TASP1: variants seen among roughly 807,000 people sequenced by gnomAD.
TASP1 encodes taspase 1.
In TASP1, 16 loss-of-function variants were observed where a neutral mutation model predicts 56.6. That is an observed-to-expected ratio of 0.28 (90% CI 0.19 to 0.43). TASP1 has a LOEUF of 0.43. Among genes scored for constraint, TASP1 ranks in the 20% least tolerant of loss-of-function variants. TASP1 has a pLI of 1.00. For missense variants in TASP1, 393 were observed against 511.6 expected (o/e 0.77, Z 2.24); for synonymous variants, 179 against 184.2 (o/e 0.97, Z 0.23).
chr20:13,390,598 T>G (rs1475652858), intron 13 of TASP1, 146 bp from the exon 14 acceptor site: 11 of 627,710 alleles, frequency 1.8e-5, no homozygotes, highest in Non-Finnish European at 2.5e-5. Context: ...GTACCACTGG[T>G]AAACTTTAGT....
At chr20:13,293,248 A>T in the TASP1 span, among the ~76,000 whole-genome samples, 1 of 151,954 alleles carries the variant, frequency 6.6e-6, no homozygotes, top group Non-Finnish European at 1.5e-5. Flanking sequence ...AACCTTTGGT[A>T]CAGTTTGCTA....
At chr20:13,180,136 T>G in the TASP1 span, among the ~76,000 whole-genome samples, 1 of 152,196 alleles carries the variant, frequency 6.6e-6, no homozygotes, top group South Asian at 2.1e-4. Context: ...CTAGTAATGA[T>G]TTCAAGAATA....
chr20:13,453,743 G>T (rs2043718282), intron 11 of TASP1, among the ~76,000 whole-genome samples: 1 of 152,036 alleles, frequency 6.6e-6, no homozygotes, highest in South Asian at 2.1e-4. Flanking sequence ...AGATACTGAT[G>T]GTCCCAGGTC....
intron 13 of TASP1, among the ~76,000 whole-genome samples, chr20:13,400,774 T>A (rs536851506): frequency 3.5e-4 from 54 of 152,346 alleles, no homozygotes; most frequent in African/African-American, 1.2e-3. Flanking sequence ...TAGTGAATAC[T>A]AAAATGTTAA....
chr20:13,470,694 T>C (rs549555367), intron 11 of TASP1, among the ~76,000 whole-genome samples: 2 of 152,182 alleles, frequency 1.3e-5, no homozygotes, highest in Non-Finnish European at 2.9e-5. Flanking sequence ...TTGATGGATA[T>C]CAGTCACCTA....
chr20:13,382,857 C>A, the TASP1 span, among the ~76,000 whole-genome samples: 1 of 151,860 alleles, frequency 6.6e-6, no homozygotes, highest in African/African-American at 2.4e-5. Flanking sequence ...GAAAGTGAAA[C>A]GTGACAGAAA....
chr20:13,305,687 C>G, the TASP1 span, among the ~76,000 whole-genome samples: 3 of 152,114 alleles, frequency 2.0e-5, no homozygotes, highest in African/African-American at 7.2e-5. Context: ...AGTTGTTTTT[C>G]TGAGGCTTAG....
At chr20:13,339,461 A>G in the TASP1 span, among the ~76,000 whole-genome samples, 1 of 152,190 alleles carries the variant, frequency 6.6e-6, no homozygotes, top group African/African-American at 2.4e-5. Context: ...CACTTTGTCA[A>G]TTAAAGCTGG....
chr20:13,576,161 C>T (rs1464723429), intron 6 of TASP1, among the ~76,000 whole-genome samples: 1 of 138,434 alleles, frequency 7.2e-6, no homozygotes, highest in Non-Finnish European at 1.5e-5. Context: ...GAGATCATGC[C>T]ATTGCACTCC....
At chr20:13,156,833 T>C in the TASP1 span, among the ~76,000 whole-genome samples, 3 of 152,194 alleles carry the variant, frequency 2.0e-5, no homozygotes, top group Admixed American at 2.0e-4. Flanking sequence ...CAAGGTTGAA[T>C]CACCACGGTT....
At chr20:13,491,606 AG>A (rs1443091344) in intron 10 of TASP1, among the ~76,000 whole-genome samples, 1 of 152,244 alleles carries the variant, frequency 6.6e-6, no homozygotes, top group Non-Finnish European at 1.5e-5. Flanking sequence ...AATTAAATAT[AG>A]GGATTGTGAC....
At chr20:13,494,539 T>C (rs2043651904) in intron 10 of TASP1, among the ~76,000 whole-genome samples, 1 of 152,176 alleles carries the variant, frequency 6.6e-6, no homozygotes, top group Non-Finnish European at 1.5e-5. Flanking sequence ...AACTACTGTA[T>C]ATCTGGGGCT....
chr20:13,295,351 A>C, the TASP1 span, among the ~76,000 whole-genome samples: 1 of 152,202 alleles, frequency 6.6e-6, no homozygotes, highest in Admixed American at 6.5e-5. Context: ...GTACCCGCTG[A>C]ACCAGCCTAA....
chr20:13,637,608 A>G (rs1408004850), intron 1 of TASP1, among the ~76,000 whole-genome samples: 2 of 152,240 alleles, frequency 1.3e-5, no homozygotes, highest in East Asian at 3.8e-4. Flanking sequence ...TTGAAAACAT[A>G]CTAACTGAAA....
At position 13,570,473 on chromosome 20, in the gene TASP1, A is replaced by C. The variant is rs1013637392; in HGVS notation, c.489-887T>G. 3.0e-4 allele frequency among the ~76,000 whole-genome samples: 45 copies of C among 152,138 alleles called. 1 individual carries two copies. The highest frequency in any genetic ancestry group is 2.2e-4 in the Non-Finnish European group (15 of 67,980). On this transcript the variant is annotated intron_variant, in intron 6 of 13. Transcript: ENST00000337743. ...CAACATTAAAAACTCGAAGTAACAC[A>C]TATTGAAGTCTTAAGATTTGACTGC...
the TASP1 span, among the ~76,000 whole-genome samples, chr20:13,113,992 G>A: frequency 1.8e-4 from 28 of 152,178 alleles, no homozygotes; most frequent in South Asian, 8.3e-4. Context: ...TTGAGGCTCC[G>A]AGGCTTAGAT....
At chr20:13,471,262 T>C (rs1445347237) in intron 11 of TASP1, among the ~76,000 whole-genome samples, 2 of 152,120 alleles carry the variant, frequency 1.3e-5, no homozygotes, top group East Asian at 3.9e-4. Context: ...ATCCTGCATA[T>C]GGAAGTACCA....
chr20:13,188,412 A>T, the TASP1 span, among the ~76,000 whole-genome samples: 1 of 152,204 alleles, frequency 6.6e-6, no homozygotes, highest in African/African-American at 2.4e-5. Flanking sequence ...CAATCTGAAA[A>T]AGAAATCAAG....
the TASP1 span, chr20:13,164,609 C>A: frequency 1.5e-6 from 1 of 646,854 alleles, no homozygotes; most frequent in South Asian, 2.0e-5. Context: ...CCTAATGGTA[C>A]GGATCTTGCT....
Sources: allele counts gnomAD v4.1 joint callset (sites outside exome capture counted in the v4.1 genomes callset), GRCh38; gene constraint gnomAD v4.1.1; transcripts MANE v1.5; gene names NCBI Gene and HGNC (gene_info 2026-07-23, HGNC 2026-07-21).